Variants in NEDD4L observed in about 807,000 individuals in gnomAD.
NEDD4L encodes the protein NEDD4 like E3 ubiquitin protein ligase, also known as E3 ubiquitin-protein ligase NEDD4-like.
A neutral mutation model predicts 148.9 loss-of-function variants in NEDD4L; 54 were observed. That is an observed-to-expected ratio of 0.36 (90% CI 0.29 to 0.45). The LOEUF (loss-of-function observed/expected upper bound fraction) is 0.45, where lower values mean the gene tolerates loss of function less well. Ranked by LOEUF, NEDD4L falls within the 20% of genes least tolerant of loss-of-function variation. NEDD4L has a pLI of 1.00. For synonymous variants in NEDD4L, 433 were observed against 440.7 expected (o/e 0.98, Z 0.22); for missense variants, 856 against 1,233.8 (o/e 0.69, Z 4.59).
chr18:58,186,156 C>T (rs573391468), intron 2 of NEDD4L, among the ~76,000 whole-genome samples: 5 of 152,290 alleles, frequency 3.3e-5, no homozygotes, highest in South Asian at 2.1e-4. Flanking sequence ...TTGACGGAGT[C>T]GCAGATTAGA....
intron 1 of NEDD4L, among the ~76,000 whole-genome samples, chr18:58,095,157 A>G (rs2084309976): frequency 6.6e-6 from 1 of 151,804 alleles, no homozygotes; most frequent in African/African-American, 2.4e-5. Context: ...TCCACTCCCA[A>G]CTCACTCCGA....
chr18:58,175,718 C>T (rs986354922), intron 2 of NEDD4L, among the ~76,000 whole-genome samples: 1 of 152,230 alleles, frequency 6.6e-6, no homozygotes, highest in African/African-American at 2.4e-5. Flanking sequence ...TATTCCTTCC[C>T]ACCCCCCAAA....
rs372560880 is a variant in NEDD4L at position 58,276,709 on chromosome 18, T to A, written c.297+24655T>A. On this transcript the variant is annotated intron_variant, in intron 5 of 30. Transcript: ENST00000400345. The stretch of plus-strand genomic sequence containing the variant: ...AATAATAATAATATTATTATTATTA[T>A]TATTAATAAAATGCTTACTAGGCGA... Among the ~76,000 whole-genome samples the A allele has an allele frequency of 4.4e-3, 379 of 86,784 alleles. 3 individuals carry two copies. The highest frequency in any genetic ancestry group is 0.023 in the African/African-American group (328 of 14,380). 56.9% of individuals were successfully genotyped at this position (86,784 alleles called of 152,430 possible). A position where few individuals can be genotyped will look rare whatever the true frequency, so the allele number is the denominator to read the frequency against.
Position 58,390,707 on chromosome 18 carries a change from C to G in NEDD4L, c.2717C>G (p.Ser906Trp). 1 of 1,599,724 alleles carries G rather than the reference C, an allele frequency of 6.3e-7. No homozygotes were observed. The highest frequency in any genetic ancestry group is 8.5e-7 in the Non-Finnish European group (1 of 1,172,436). The change falls in exon 29 of 31, where the codon TCG (serine) becomes TGG (tryptophan). Residue 906 changes from serine to tryptophan, a missense_variant. This residue lies in a region of NEDD4L where 286 missense variants were observed against 531.8 expected (regional missense o/e 0.54). Transcript: ENST00000400345. ...IRLLQFVTGT[S>W]RVPMNGFAEL... Reference sequence around the variant, plus strand: ...TTACTGCAGTTTGTCACAGGGACATCGCGAGTACCTATGAATGGATTTGCC... The same window carrying G: ...TTACTGCAGTTTGTCACAGGGACATGGCGAGTACCTATGAATGGATTTGCC...
intron 2 of NEDD4L, among the ~76,000 whole-genome samples, chr18:58,206,942 A>T (rs1157821933): frequency 6.6e-6 from 1 of 152,212 alleles, no homozygotes; most frequent in Non-Finnish European, 1.5e-5. Context: ...AAAGGCACTC[A>T]GTTCTCCCAC....
intron 2 of NEDD4L, among the ~76,000 whole-genome samples, chr18:58,214,636 TGTGTGTGTTTTG>T (rs1568403480): frequency 1.3e-5 from 2 of 149,962 alleles, no homozygotes; most frequent in Non-Finnish European, 3.0e-5. Context: ...TGTGTGTGTG[TGTGTGTGTTTTG>T]TTGTTGTTGT....
intron 9 of NEDD4L, 113 bp from the exon 10 acceptor site, chr18:58,328,882 T>A: frequency 2.6e-6 from 3 of 1,158,312 alleles, no homozygotes; most frequent in Non-Finnish European, 3.8e-6. Flanking sequence ...GTTGTCAGTG[T>A]TTGACGCTGA....
At chr18:58,383,414 G>C (rs2048597476) in intron 25 of NEDD4L, 95 bp downstream of exon 25, 3 of 721,708 alleles carry the variant, frequency 4.2e-6, no homozygotes, top group Non-Finnish European at 7.2e-6. Context: ...ATTTATTATG[G>C]GCATGAGTTT....
rs2056171302 is a variant in NEDD4L at position 58,299,515 on chromosome 18, A to G, written c.298-16467A>G. Among the ~76,000 whole-genome samples the G allele has an allele frequency of 2.0e-5, 3 of 152,258 alleles. No individual in the cohort carries two copies. The South Asian group carries it at 6.2e-4, about 32-fold the overall frequency. On this transcript the variant is annotated intron_variant, in intron 5 of 30. Coordinates refer to ENST00000400345, the MANE Select transcript of NEDD4L (RefSeq NM_001144967.3). ...AACATTTTTTAGTACCTTTGTGTAT[A>G]CTAAATGTATTTTAGTTTCTATCTG...
chr18:58,230,573 C>T (rs891049439), intron 2 of NEDD4L, among the ~76,000 whole-genome samples: 1 of 152,040 alleles, frequency 6.6e-6, no homozygotes, highest in African/African-American at 2.4e-5. Context: ...ATAAATTCTG[C>T]ATCTAGTTAT....
chr18:58,164,791 C>T (rs1295194890), intron 1 of NEDD4L, among the ~76,000 whole-genome samples: 2 of 152,192 alleles, frequency 1.3e-5, no homozygotes, highest in African/African-American at 4.8e-5. Flanking sequence ...TTTATTCTTA[C>T]TCTTAGGCTA....
At chr18:58,158,180 T>C (rs2035747505) in intron 1 of NEDD4L, among the ~76,000 whole-genome samples, 1 of 152,246 alleles carries the variant, frequency 6.6e-6, no homozygotes, top group South Asian at 2.1e-4. Flanking sequence ...GCAAGAGGCC[T>C]CAGTTCCTTA....
At chr18:58,237,018 C>T (rs1376543621) in intron 2 of NEDD4L, among the ~76,000 whole-genome samples, 1 of 150,104 alleles carries the variant, frequency 6.7e-6, no homozygotes, top group Non-Finnish European at 1.5e-5. Flanking sequence ...AGCGAAACTC[C>T]ATCTCAAATA....
Position 58,398,968 on chromosome 18 carries a change from T to C in NEDD4L, c.*2699T>C, listed in dbSNP as rs1313164475. On this transcript the variant is annotated 3_prime_UTR_variant, in exon 31 of 31. Coordinates refer to ENST00000400345, the MANE Select transcript of NEDD4L (RefSeq NM_001144967.3). ...TGCTCTGCAGGCCGGGCTCTCTTTA[T>C]AGCCAGAGAAATCACCTTAATGCAG... The C allele has an allele frequency of 6.6e-6, 1 of 152,282 alleles. No individual in the cohort carries two copies. The highest frequency in any genetic ancestry group is 1.5e-5 in the Non-Finnish European group (1 of 68,068). 9.4% of individuals were successfully genotyped at this position (152,282 alleles called of 1,614,324 possible). A position where few individuals can be genotyped will look rare whatever the true frequency, so the allele number is the denominator to read the frequency against.
At chr18:58,370,667 G>A (rs934459292) in intron 23 of NEDD4L, among the ~76,000 whole-genome samples, 200 bp downstream of exon 23, 1 of 152,160 alleles carries the variant, frequency 6.6e-6, no homozygotes, top group African/African-American at 2.4e-5. Flanking sequence ...TGGAACCATG[G>A]TACCTAGGGT....
chr18:58,158,830 C>T (rs931594675), intron 1 of NEDD4L, among the ~76,000 whole-genome samples: 1 of 152,142 alleles, frequency 6.6e-6, no homozygotes, highest in Non-Finnish European at 1.5e-5. Flanking sequence ...TTTGTTCTCA[C>T]CACTCACATC....
intron 24 of NEDD4L, among the ~76,000 whole-genome samples, chr18:58,375,924 G>A (rs1011164155): frequency 4.6e-5 from 7 of 152,124 alleles, no homozygotes; most frequent in Non-Finnish European, 8.8e-5. Context: ...ATTTTCAAAC[G>A]ATTAGACATG....
intron 16 of NEDD4L, among the ~76,000 whole-genome samples, chr18:58,347,214 GC>G (rs1293604264): frequency 1.5e-4 from 5 of 34,040 alleles, no homozygotes; most frequent in Admixed American, 2.7e-4. Flanking sequence ...GGCCCCCCCC[GC>G]CCCCCCCCCC....
Position 58,149,685 on chromosome 18 carries a change from A to G in NEDD4L, c.49-16103A>G. ...TGACCTCAAGATGCTGGAGCTGTTA[A>G]TTCATCTTTAACATAATTGACCTGA... On this transcript the variant is annotated intron_variant, in intron 1 of 30. Transcript: ENST00000400345. 3 of 712,850 alleles carry G rather than the reference A, an allele frequency of 4.2e-6. 1 individual carries two copies. The South Asian group carries it at 4.8e-5, about 11-fold the overall frequency. 44.2% of individuals were successfully genotyped at this position (712,850 alleles called of 1,614,324 possible).
Sources: allele counts gnomAD v4.1 joint callset (sites outside exome capture counted in the v4.1 genomes callset), GRCh38; gene constraint gnomAD v4.1.1; regional missense constraint gnomAD v4.1.1; transcripts MANE v1.5; gene names NCBI Gene and HGNC (gene_info 2026-07-23, HGNC 2026-07-21).